NLGN1: variants seen among roughly 807,000 people sequenced by gnomAD.
NLGN1 encodes the protein neuroligin-1.
NLGN1 carries 12 observed loss-of-function variants against 65.5 expected under a neutral mutation model. The ratio of observed to expected loss-of-function variants is 0.18; its 90% confidence interval spans 0.12 to 0.30. The LOEUF is 0.30. Ranked by LOEUF, NLGN1 falls within the 10% of genes least tolerant of loss-of-function variation. The pLI is 1.00. For synonymous variants in NLGN1, 350 were observed against 359.5 expected, an observed-to-expected ratio of 0.97 and a Z score of 0.30; for missense variants, 750 against 1,007.1, an observed-to-expected ratio of 0.74 and a Z score of 3.46.
intron 2 of NLGN1, among the ~76,000 whole-genome samples, chr3:173,550,242 A>G (rs770008121): frequency 7.2e-5 from 11 of 152,126 alleles, no homozygotes; most frequent in Non-Finnish European, 1.3e-4. Flanking sequence ...AATTTTGTTT[A>G]TAATATATGC....
At chr3:174,191,462 G>T (rs968230984) in intron 4 of NLGN1, among the ~76,000 whole-genome samples, 3 of 152,132 alleles carry the variant, frequency 2.0e-5, no homozygotes, top group Non-Finnish European at 2.9e-5. Context: ...AGACAAACGA[G>T]CAAAGCTATA....
chr3:173,828,219 A>T lies in NLGN1; in HGVS notation c.646+20387A>T, dbSNP rs912536968. Among the ~76,000 whole-genome samples, 6 of 152,172 alleles carry T rather than the reference A, an allele frequency of 3.9e-5. No homozygotes were observed. In the East Asian group the frequency reaches 1.2e-3, roughly 29 times the overall value. The stretch of plus-strand genomic sequence containing the variant: ...ATAGCATAATTTGAGTTGCTGTCAC[A>T]TCATGTGGACACTTGATTTAAACAT... On this transcript the variant is annotated intron_variant, in intron 4 of 6. Transcript: ENST00000457714.
At chr3:173,618,288 A>C (rs80167741) in intron 3 of NLGN1, among the ~76,000 whole-genome samples, 2,637 of 152,134 alleles carry the variant, frequency 0.017, 82 homozygotes, top group African/African-American at 0.06. Context: ...CCTTGAGCCC[A>C]TGGGCTCAAG....
intron 4 of NLGN1, among the ~76,000 whole-genome samples, chr3:174,008,851 AC>A (rs1370790017): frequency 6.6e-6 from 1 of 151,942 alleles, no homozygotes; most frequent in East Asian, 1.9e-4. Context: ...CTCAAATTAA[AC>A]CCTTTAATTT....
At chr3:173,447,019 G>A (rs368842839) in intron 2 of NLGN1, among the ~76,000 whole-genome samples, 1 of 152,154 alleles carries the variant, frequency 6.6e-6, no homozygotes, top group East Asian at 1.9e-4. Context: ...TAGGTTGCCT[G>A]TTCACTCTGA....
intron 4 of NLGN1, among the ~76,000 whole-genome samples, chr3:174,119,038 A>G (rs1404363100): frequency 6.6e-6 from 1 of 152,218 alleles, no homozygotes; most frequent in Admixed American, 6.5e-5. Context: ...TCAGTGGAAT[A>G]TGCTTTTTTC....
intron 4 of NLGN1, among the ~76,000 whole-genome samples, chr3:173,930,568 A>C (rs970819544): frequency 3.9e-5 from 6 of 152,196 alleles, no homozygotes; most frequent in Non-Finnish European, 7.3e-5. Flanking sequence ...ATTTCACCCT[A>C]GCTAAGAAAC....
chr3:174,040,575 A>T (rs754435528), intron 4 of NLGN1, among the ~76,000 whole-genome samples: 59 of 152,286 alleles, frequency 3.9e-4, no homozygotes, highest in Middle Eastern at 3.4e-3. Context: ...ATTAGAGGAC[A>T]CTACTGAGAA....
intron 3 of NLGN1, among the ~76,000 whole-genome samples, chr3:173,713,586 T>C (rs762003419): frequency 1.3e-5 from 2 of 152,120 alleles, no homozygotes; most frequent in Admixed American, 6.5e-5. Flanking sequence ...AAGCCTATGT[T>C]CTGTACAGAT....
chr3:173,540,664 G>C (rs1379159942), intron 2 of NLGN1, among the ~76,000 whole-genome samples: 1 of 152,132 alleles, frequency 6.6e-6, no homozygotes, highest in Non-Finnish European at 1.5e-5. Context: ...TCAGAGAACA[G>C]GGAATGTTTG....
chr3:173,589,163 T>C (rs184774595), intron 2 of NLGN1, among the ~76,000 whole-genome samples: 77 of 152,366 alleles, frequency 5.1e-4, no homozygotes, highest in Non-Finnish European at 1.0e-3. Flanking sequence ...ATTTGACTTA[T>C]GAAACAGAAG....
chr3:173,546,201 G>A (rs909614660), intron 2 of NLGN1, among the ~76,000 whole-genome samples: 3 of 152,156 alleles, frequency 2.0e-5, no homozygotes, highest in African/African-American at 7.2e-5. Flanking sequence ...TAGGCTGGAG[G>A]TATCATTATG....
At chr3:173,875,517 G>A (rs537419949) in intron 4 of NLGN1, among the ~76,000 whole-genome samples, 1 of 152,178 alleles carries the variant, frequency 6.6e-6, no homozygotes, top group South Asian at 2.1e-4. Flanking sequence ...GCTAATGTAA[G>A]GCAATAATAC....
intron 4 of NLGN1, among the ~76,000 whole-genome samples, chr3:173,810,841 C>T (rs552411747): frequency 3.3e-5 from 5 of 152,320 alleles, no homozygotes; most frequent in South Asian, 2.1e-4. Flanking sequence ...CTTCTACCGA[C>T]ACCCTTTAGT....
intron 2 of NLGN1, among the ~76,000 whole-genome samples, chr3:173,595,329 A>G (rs895454032): frequency 2.6e-5 from 4 of 152,132 alleles, no homozygotes; most frequent in Non-Finnish European, 4.4e-5. Context: ...AATTCCACAC[A>G]TCTCCAGGGC....
chr3:174,275,644 A>AGTT lies in NLGN1; in HGVS notation c.859+118_859+120dup, dbSNP rs1344144217. The AGTT allele has an allele frequency of 5.3e-5, 34 of 647,332 alleles. 1 individual carries two copies. Among genetic ancestry groups the AGTT allele is most frequent in the South Asian group, 3.7e-4 (19 of 51,306 alleles). 40.1% of individuals were successfully genotyped at this position (647,332 alleles called of 1,614,324 possible). On this transcript the variant is annotated intron_variant, in intron 5 of 6. Transcript: ENST00000457714. Reference sequence around the variant, plus strand: ...AACTGAGTGTTAGGTTGAACTCAATAGTTTAAAGCTTTGTTTCTTCAGTTT... The same window carrying AGTT: ...AACTGAGTGTTAGGTTGAACTCAATAGTTGTTTAAAGCTTTGTTTCTTCAGTTT...
At chr3:173,740,019 G>T (rs2861596) in intron 3 of NLGN1, among the ~76,000 whole-genome samples, 128,975 of 152,050 alleles carry the variant, frequency 0.85, 54,796 homozygotes, top group East Asian at 1. Context: ...CCTAATTTAG[G>T]TTATTTATTT....
At chr3:174,223,224 C>G (rs1390163393) in intron 4 of NLGN1, among the ~76,000 whole-genome samples, 1 of 152,154 alleles carries the variant, frequency 6.6e-6, no homozygotes, top group Non-Finnish European at 1.5e-5. Flanking sequence ...TGTGCTTTAT[C>G]TAGCTCACTC....
chr3:173,811,961 G>C (rs147856389), intron 4 of NLGN1, among the ~76,000 whole-genome samples: 3 of 152,154 alleles, frequency 2.0e-5, no homozygotes, highest in African/African-American at 7.2e-5. Context: ...GGGCAAACGA[G>C]ATTTTAATCT....
Sources: allele counts gnomAD v4.1 joint callset (sites outside exome capture counted in the v4.1 genomes callset), GRCh38; gene constraint gnomAD v4.1.1; transcripts MANE v1.5; gene names NCBI Gene and HGNC (gene_info 2026-07-23, HGNC 2026-07-21).